The following ZNF385D variants were observed in gnomAD, a reference collection of about 807,000 sequenced individuals.
ZNF385D encodes zinc finger protein 385D.
In ZNF385D, 15 loss-of-function variants were observed where a neutral mutation model predicts 35.8. That is an observed-to-expected ratio of 0.42 (90% confidence interval 0.28 to 0.64). ZNF385D has a LOEUF of 0.64. ZNF385D is among the 30% of genes least tolerant of loss of function. The pLI, the probability that ZNF385D is intolerant of heterozygous loss-of-function variation, is 0.23. For synonymous variants in ZNF385D, 212 were observed against 186.8 expected (o/e 1.13, Z -1.10); for missense variants, 474 against 494.6 (o/e 0.96, Z 0.39).
intron 2 of ZNF385D, among the ~76,000 whole-genome samples, chr3:21,636,501 C>T (rs2065454979): frequency 6.7e-6 from 1 of 148,690 alleles, no homozygotes; most frequent in Non-Finnish European, 1.5e-5. Context: ...GAAGCCAGTC[C>T]GAATCCCAAA....
At chr3:21,803,344 A>G (rs568008717) in intron 3 of ZNF385D, among the ~76,000 whole-genome samples, 99 of 152,228 alleles carry the variant, frequency 6.5e-4, no homozygotes, top group African/African-American at 2.4e-3. Flanking sequence ...TTAAAATTTC[A>G]TTTTCTTTCC....
At chr3:21,566,083 T>C (rs1015006980) in intron 2 of ZNF385D, among the ~76,000 whole-genome samples, 1 of 152,152 alleles carries the variant, frequency 6.6e-6, no homozygotes, top group African/African-American at 2.4e-5. Flanking sequence ...AACATACGGT[T>C]CTGAATAATA....
chr3:21,592,557 C>CAAAAAAAAAAAAAAAAA (rs67997432), intron 2 of ZNF385D, among the ~76,000 whole-genome samples: 1 of 114,854 alleles, frequency 8.7e-6, no homozygotes, highest in Non-Finnish European at 1.8e-5. Context: ...AAAAAAAAAC[C>CAAAAAAAAAAAAAAAAA]AAAAACAAAA....
At chr3:22,180,930 T>TTTTTTTTTA (rs397951144) in intron 2 of ZNF385D, among the ~76,000 whole-genome samples, 1 of 149,476 alleles carries the variant, frequency 6.7e-6, no homozygotes, top group African/African-American at 2.5e-5. Context: ...TTTTTTTTTT[T>TTTTTTTTTA]AAGAGACAGC....
intron 3 of ZNF385D, among the ~76,000 whole-genome samples, chr3:22,003,012 A>T (rs1311282426): frequency 6.6e-6 from 1 of 152,182 alleles, no homozygotes; most frequent in Non-Finnish European, 1.5e-5. Flanking sequence ...TAAGAACTAG[A>T]ATAAGAAAAG....
intron 2 of ZNF385D, among the ~76,000 whole-genome samples, chr3:22,277,702 T>C (rs1701500152): frequency 1.3e-5 from 2 of 152,228 alleles, no homozygotes; most frequent in East Asian, 1.9e-4. Context: ...TATTAGAAGA[T>C]ATGAAGGAAA....
chr3:22,172,784 A>G (rs536397303), intron 2 of ZNF385D, among the ~76,000 whole-genome samples: 29 of 152,362 alleles, frequency 1.9e-4, no homozygotes, highest in Middle Eastern at 3.4e-3. Context: ...ATAAATATAA[A>G]TGAAGGAGAT....
chr3:22,043,040 G>A (rs1022827130), intron 3 of ZNF385D, among the ~76,000 whole-genome samples: 6 of 152,154 alleles, frequency 3.9e-5, no homozygotes, highest in African/African-American at 1.2e-4. Flanking sequence ...TCCAAACTGA[G>A]AAGTCCATTG....
At chr3:22,004,065 G>A (rs1025403236) in intron 3 of ZNF385D, among the ~76,000 whole-genome samples, 3 of 151,972 alleles carry the variant, frequency 2.0e-5, no homozygotes, top group African/African-American at 7.3e-5. Context: ...ATAACCAATG[G>A]AACAGAATAT....
intron 2 of ZNF385D, among the ~76,000 whole-genome samples, chr3:22,329,367 G>C (rs1194595593): frequency 2.6e-5 from 4 of 152,118 alleles, no homozygotes; most frequent in Non-Finnish European, 5.9e-5. Context: ...GTGATCTCCA[G>C]AGGAATCTAC....
At chr3:22,030,704 C>A (rs1401472420) in intron 3 of ZNF385D, among the ~76,000 whole-genome samples, 1 of 152,018 alleles carries the variant, frequency 6.6e-6, no homozygotes, top group Non-Finnish European at 1.5e-5. Context: ...TGCCCTGGCC[C>A]CTCCTAAATC....
intron 3 of ZNF385D, among the ~76,000 whole-genome samples, chr3:21,954,421 A>T (rs1702197688): frequency 6.6e-6 from 1 of 151,996 alleles, no homozygotes. Context: ...TAATTATTTT[A>T]TAGGCTCACA....
chr3:22,343,744 G>A (rs1403750111), intron 2 of ZNF385D, among the ~76,000 whole-genome samples: 6 of 152,054 alleles, frequency 3.9e-5, no homozygotes, highest in African/African-American at 1.4e-4. Context: ...TTGCATCTGA[G>A]AACATTAAAT....
chr3:21,993,733 A>C (rs774852794), intron 3 of ZNF385D, among the ~76,000 whole-genome samples: 13 of 152,194 alleles, frequency 8.5e-5, no homozygotes, highest in Non-Finnish European at 1.8e-4. Flanking sequence ...ATACAAAAAC[A>C]TTCCTGCAGA....
chr3:21,851,014 G>A (rs1362834461), intron 3 of ZNF385D, among the ~76,000 whole-genome samples: 3 of 151,574 alleles, frequency 2.0e-5, no homozygotes, highest in Non-Finnish European at 4.4e-5. Flanking sequence ...TCATAACTAG[G>A]CAATAAAAAC....
chr3:21,453,781 T>G (rs1028109795), intron 4 of ZNF385D, among the ~76,000 whole-genome samples: 3 of 152,038 alleles, frequency 2.0e-5, no homozygotes, highest in Non-Finnish European at 4.4e-5. Flanking sequence ...AATGGTGCTG[T>G]CACTGTGGAA....
At chr3:22,152,340 A>G (rs1414678623) in intron 3 of ZNF385D, among the ~76,000 whole-genome samples, 2 of 152,172 alleles carry the variant, frequency 1.3e-5, no homozygotes, top group Non-Finnish European at 2.9e-5. Flanking sequence ...CCACTTAGGA[A>G]AATGACGGTA....
At chr3:22,285,880 AT>A (rs1265959099) in intron 2 of ZNF385D, among the ~76,000 whole-genome samples, 1 of 152,152 alleles carries the variant, frequency 6.6e-6, no homozygotes, top group Non-Finnish European at 1.5e-5. Flanking sequence ...CTTAAAAAGT[AT>A]TTACTATAAA....
rs778671960 is a variant in ZNF385D at position 21,423,997 on chromosome 3, T to C, written c.920A>G (p.Tyr307Cys). ...GKPPKPKYSPYNKLQKTAHPL... is the reference protein window; with the variant it reads ...GKPPKPKYSPCNKLQKTAHPL... ...ATGTGCTGTCTTCTGTAGTTTGTTG[T>C]AAGGACTGTATTTAGGTTTCGGGGG... Residue 307 changes from tyrosine (Y) to cysteine (C), a missense_variant, in exon 7 of 8, where the codon TAC becomes TGC. By Grantham distance (194) the Tyr-to-Cys change is radical. Transcript: ENST00000281523. 1.3e-5 allele frequency: 21 copies of C among 1,609,858 alleles called. No homozygotes were observed. The Middle Eastern group carries it at 4.9e-4, about 38-fold the overall frequency.
Sources: allele counts gnomAD v4.1 joint callset (sites outside exome capture counted in the v4.1 genomes callset), GRCh38; gene constraint gnomAD v4.1.1; transcripts MANE v1.5; gene names NCBI Gene and HGNC (gene_info 2026-07-23, HGNC 2026-07-21).